Variants in RMRP observed in about 807,000 individuals in gnomAD.
RMRP encodes the protein RNA component of mitochondrial RNA processing endoribonuclease, also known as RNase MRP RNA.
Position 35,657,784 on chromosome 9 carries a change from G to A in RMRP, n.234C>T, listed in dbSNP as rs1002409010. ...GCTGAGAATGAGCCCCGTGTGGTTG[G>A]TGCGCGGACACGCACTGCCTGCGTA... On this transcript the variant is annotated non_coding_transcript_exon_variant, in exon 1 of 1. Coordinates refer to ENST00000363046, the Ensembl canonical transcript of RMRP. 2 of 697,850 alleles carry A rather than the reference G, an allele frequency of 2.9e-6. No individual in the cohort carries two copies. Among genetic ancestry groups the A allele is most frequent in the Admixed American group, 2.0e-5 (1 of 49,970 alleles). The allele number at this position is 697,850 out of a possible 1,614,324, so 43.2% of individuals were successfully genotyped here. A position where few individuals can be genotyped will look rare whatever the true frequency, so the allele number is the denominator to read the frequency against.
At position 35,657,995 on chromosome 9, in the gene RMRP, G is replaced by A. The variant is rs1345823900; in HGVS notation, n.23C>T. 3 of 698,808 alleles carry A rather than the reference G, an allele frequency of 4.3e-6. No individual in the cohort carries two copies. The highest frequency in any genetic ancestry group is 5.2e-6 in the Non-Finnish European group (2 of 383,476). The allele number at this position is 698,808 out of a possible 1,614,324, so 43.3% of individuals were successfully genotyped here. A position where few individuals can be genotyped will look rare whatever the true frequency, so the allele number is the denominator to read the frequency against. On this transcript the variant is annotated non_coding_transcript_exon_variant, in exon 1 of 1. Coordinates refer to ENST00000363046, the Ensembl canonical transcript of RMRP. ...AACAGAGTCCTCAGTGTGTAGCCTA[G>A]GATACAGGCCTTCAGCACGAACCAC... is the stretch of plus-strand genomic sequence containing the variant.
exon 1 of RMRP, chr9:35,657,931 C>G (rs1264110860): frequency 1.4e-6 from 1 of 700,426 alleles, no homozygotes. Context: ...CACTCTCTGC[C>G]CGAGGTCCGG....
chr9:35,657,906 T>G (rs772825736), exon 1 of RMRP: 2 of 699,038 alleles, frequency 2.9e-6, no homozygotes, highest in South Asian at 1.5e-5. Context: ...AATGTCTACG[T>G]GCGTATGCAC....
chr9:35,657,860 T>C lies in RMRP; in HGVS notation n.158A>G, dbSNP rs535595484. On this transcript the variant is annotated non_coding_transcript_exon_variant, in exon 1 of 1. Transcript: ENST00000363046. ...CCCCGCGCCACGCCGCTCAGCGGGATACGCTTCTTGGCGGACTTTGGAGTG... is the reference window on the plus strand; with the variant it reads ...CCCCGCGCCACGCCGCTCAGCGGGACACGCTTCTTGGCGGACTTTGGAGTG... 61 of 694,366 alleles carry C rather than the reference T, an allele frequency of 8.8e-5. No individual in the cohort carries two copies. Among genetic ancestry groups the C allele is most frequent in the African/African-American group, 1.9e-4 (10 of 51,742 alleles). 43.0% of individuals were successfully genotyped at this position (694,366 alleles called of 1,614,324 possible). A position where few individuals can be genotyped will look rare whatever the true frequency, so the allele number is the denominator to read the frequency against.
exon 1 of RMRP, chr9:35,657,962 A>G: frequency 1.4e-6 from 1 of 700,442 alleles, no homozygotes; most frequent in South Asian, 1.5e-5. Context: ...CTAGGCGGAA[A>G]GGGGAGGAAC....
exon 1 of RMRP, chr9:35,657,956 G>A (rs1823623281): frequency 1.4e-6 from 1 of 700,440 alleles, no homozygotes; most frequent in South Asian, 1.5e-5. Context: ...TTTCCCCTAG[G>A]CGGAAAGGGG....
Position 35,657,777 on chromosome 9 carries a change from G to C in RMRP, n.241C>G, listed in dbSNP as rs912498335. Reference sequence around the variant, plus strand: ...CAGCCGCGCTGAGAATGAGCCCCGTGTGGTTGGTGCGCGGACACGCACTGC... The same window carrying C: ...CAGCCGCGCTGAGAATGAGCCCCGTCTGGTTGGTGCGCGGACACGCACTGC... On this transcript the variant is annotated non_coding_transcript_exon_variant, in exon 1 of 1. Coordinates refer to ENST00000363046, the Ensembl canonical transcript of RMRP. 1.4e-5 allele frequency: 10 copies of C among 696,848 alleles called. No homozygotes were observed. The highest frequency in any genetic ancestry group is 2.1e-5 in the Non-Finnish European group (8 of 381,892). 43.2% of individuals were successfully genotyped at this position (696,848 alleles called of 1,614,324 possible).
In RMRP at chr9:35,657,985, G is replaced by C. The variant is rs758862328; in HGVS notation, n.33C>G. Reference sequence around the variant, plus strand: ...AAAGGGGAGGAACAGAGTCCTCAGTGTGTAGCCTAGGATACAGGCCTTCAG... The same window carrying C: ...AAAGGGGAGGAACAGAGTCCTCAGTCTGTAGCCTAGGATACAGGCCTTCAG... On this transcript the variant is annotated non_coding_transcript_exon_variant, in exon 1 of 1. Transcript: ENST00000363046. The C allele has an allele frequency of 2.9e-6, 2 of 700,410 alleles. No homozygotes were observed. The highest frequency in any genetic ancestry group is 5.2e-6 in the Non-Finnish European group (2 of 384,774). The allele number at this position is 700,410 out of a possible 1,614,324, so 43.4% of individuals were successfully genotyped here. A position where few individuals can be genotyped will look rare whatever the true frequency, so the allele number is the denominator to read the frequency against.
exon 1 of RMRP, chr9:35,657,946 T>G: frequency 2.9e-6 from 2 of 700,448 alleles, no homozygotes; most frequent in Non-Finnish European, 2.6e-6. Flanking sequence ...GTCCGGGGAC[T>G]TTCCCCTAGG....
rs761398394 is a variant in RMRP at position 35,657,825 on chromosome 9, C to T, written n.193G>A. ...TGCCTGCGTAACTAGAGGGAGCTGA[C>T]GGATGACGCCCCCGCGCCACGCCGC... On this transcript the variant is annotated non_coding_transcript_exon_variant, in exon 1 of 1. Coordinates refer to ENST00000363046, the Ensembl canonical transcript of RMRP. The T allele has an allele frequency of 3.6e-5, 25 of 700,330 alleles. No individual in the cohort carries two copies. The highest frequency in any genetic ancestry group is 5.2e-5 in the Non-Finnish European group (20 of 384,826). The allele number at this position is 700,330 out of a possible 1,614,324, so 43.4% of individuals were successfully genotyped here.
Position 35,657,754 on chromosome 9 carries a change from G to C in RMRP, n.264C>G, listed in dbSNP as rs962412737. 1.6e-5 allele frequency: 11 copies of C among 685,222 alleles called. No homozygotes were observed. The highest frequency in any genetic ancestry group is 6.1e-5 in the Admixed American group (3 of 49,318). 42.4% of individuals were successfully genotyped at this position (685,222 alleles called of 1,614,324 possible). On this transcript the variant is annotated non_coding_transcript_exon_variant, in exon 1 of 1. Coordinates refer to ENST00000363046, the Ensembl canonical transcript of RMRP. ...GCCGTGGTCTCGGGAACAAAAAACA[G>C]CCGCGCTGAGAATGAGCCCCGTGTG...
exon 1 of RMRP, chr9:35,657,982 A>T (rs961529478): frequency 5.7e-6 from 4 of 700,434 alleles, no homozygotes; most frequent in South Asian, 3.0e-5. Flanking sequence ...CAGAGTCCTC[A>T]GTGTGTAGCC....
rs1303112183 is a variant in RMRP at position 35,657,878 on chromosome 9, T to A, written n.140A>T. The A allele has an allele frequency of 5.7e-6, 4 of 700,416 alleles. No individual in the cohort carries two copies. Among genetic ancestry groups the A allele is most frequent in the Non-Finnish European group, 1.0e-5 (4 of 384,794 alleles). 43.4% of individuals were successfully genotyped at this position (700,416 alleles called of 1,614,324 possible). On this transcript the variant is annotated non_coding_transcript_exon_variant, in exon 1 of 1. Transcript: ENST00000363046. ...AGCGGGATACGCTTCTTGGCGGACT[T>A]TGGAGTGGGAAGCGGGGAATGTCTA...
chr9:35,657,911 A>G (rs1423943038), exon 1 of RMRP: 4 of 700,360 alleles, frequency 5.7e-6, no homozygotes, highest in African/African-American at 3.5e-5. Flanking sequence ...CTACGTGCGT[A>G]TGCACGTGGC....
exon 1 of RMRP, chr9:35,657,924 TC>T: frequency 1.4e-6 from 1 of 700,414 alleles, no homozygotes. Context: ...CACGTGGCAC[TC>T]TCTGCCCGAG....
At chr9:35,657,814 G>C (rs925085494) in exon 1 of RMRP, 3 of 692,690 alleles carry the variant, frequency 4.3e-6, no homozygotes, top group South Asian at 3.0e-5. Flanking sequence ...TGCGTAACTA[G>C]AGGGAGCTGA....
downstream of RMRP, chr9:35,657,753 A>G (rs557906740): frequency 6.0e-5 from 41 of 684,510 alleles, no homozygotes; most frequent in East Asian, 3.2e-4. Flanking sequence ...AACAAAAAAC[A>G]GCCGCGCTGA....
chr9:35,657,974 G>T (rs1394104178), exon 1 of RMRP: 1 of 700,470 alleles, frequency 1.4e-6, no homozygotes. Flanking sequence ...GGGAGGAACA[G>T]AGTCCTCAGT....
At chr9:35,657,758 C>G (rs769080777) in exon 1 of RMRP, 5 of 686,660 alleles carry the variant, frequency 7.3e-6, no homozygotes, top group Non-Finnish European at 1.3e-5. Flanking sequence ...AAAACAGCCG[C>G]GCTGAGAATG....
Sources: allele counts gnomAD v4.1 joint callset, GRCh38; gene constraint gnomAD v4.1.1; transcripts MANE v1.5; gene names NCBI Gene and HGNC (gene_info 2026-07-23, HGNC 2026-07-21).